Variants in SLC17A1 observed in about 807,000 individuals in gnomAD.
SLC17A1 encodes the protein sodium-dependent phosphate transport protein 1.
In SLC17A1, 51 loss-of-function variants were observed where a neutral mutation model predicts 53.5. The observed-to-expected ratio is 0.95, with a 90% CI of 0.76 to 1.20. The LOEUF is 1.20. SLC17A1 is among the 50% of genes most tolerant of loss of function. SLC17A1 has a pLI of 0.00. For synonymous variants in SLC17A1, 179 were observed against 198.8 expected (o/e 0.90, Z 0.84); for missense variants, 538 against 568.2 (o/e 0.95, Z 0.54).
At chr6:25,725,670 T>C in the SLC17A1 span, among the ~76,000 whole-genome samples, 2 of 152,122 alleles carry the variant, frequency 1.3e-5, no homozygotes, top group Non-Finnish European at 1.5e-5. Context: ...TCAATCTTCG[T>C]TCACTGTAAC....
intron 12 of SLC17A1, among the ~76,000 whole-genome samples, chr6:25,786,029 A>C (rs963874691): frequency 1.3e-5 from 2 of 152,236 alleles, no homozygotes; most frequent in Non-Finnish European, 2.9e-5. Flanking sequence ...ACACAAATGC[A>C]CATAGTGGTC....
At chr6:25,824,639 A>G (rs758483683) in intron 3 of SLC17A1, among the ~76,000 whole-genome samples, 14 of 151,886 alleles carry the variant, frequency 9.2e-5, no homozygotes, top group Non-Finnish European at 1.9e-4. Context: ...GATTTGTATT[A>G]TTACAAATGT....
intron 10 of SLC17A1, 68 bp downstream of exon 10, chr6:25,811,330 T>A: frequency 6.8e-7 from 1 of 1,469,908 alleles, no homozygotes; most frequent in Non-Finnish European, 9.2e-7. Context: ...ATCATCATGT[T>A]GTGCACAATA....
At chr6:25,808,484 A>C (rs1358751498) in intron 10 of SLC17A1, among the ~76,000 whole-genome samples, 1 of 152,022 alleles carries the variant, frequency 6.6e-6, no homozygotes, top group Non-Finnish European at 1.5e-5. Context: ...CTTGTATTCC[A>C]AAAGCTATTG....
chr6:25,826,691 T>C, intron 2 of SLC17A1, 58 bp from the exon 3 acceptor site: 1 of 1,330,804 alleles, frequency 7.5e-7, no homozygotes, highest in Non-Finnish European at 1.0e-6. Context: ...AAACATACTT[T>C]AACTATAGGA....
chr6:25,726,853 A>C, the SLC17A1 span: 1 of 1,550,190 alleles, frequency 6.5e-7, no homozygotes, highest in Admixed American at 2.0e-5. Context: ...AGCACTGGAA[A>C]GTGCTGTGTA....
chr6:25,777,773 C>G, the SLC17A1 span: 203 of 615,390 alleles, frequency 3.3e-4, 2 homozygotes, highest in Non-Finnish European at 5.2e-4. Flanking sequence ...TTACACAATT[C>G]CAGTCATCTC....
At chr6:25,811,203 G>A (rs980599839) in intron 10 of SLC17A1, among the ~76,000 whole-genome samples, 195 bp downstream of exon 10, 3 of 152,018 alleles carry the variant, frequency 2.0e-5, no homozygotes, top group Non-Finnish European at 2.9e-5. Flanking sequence ...TTATATTCTT[G>A]AAAATTCCTA....
intron 12 of SLC17A1, among the ~76,000 whole-genome samples, chr6:25,798,145 C>A (rs903537062): frequency 6.6e-6 from 1 of 152,136 alleles, no homozygotes; most frequent in African/African-American, 2.4e-5. Context: ...ACCTGGATCT[C>A]TTAATTTATT....
the SLC17A1 span, among the ~76,000 whole-genome samples, chr6:25,748,285 C>A: frequency 1.3e-5 from 2 of 152,084 alleles, no homozygotes; most frequent in African/African-American, 4.8e-5. Flanking sequence ...TATGAGCTCA[C>A]AATCTGAAAT....
chr6:25,782,601 T>A (rs968690728), downstream of SLC17A1, among the ~76,000 whole-genome samples: 7 of 152,170 alleles, frequency 4.6e-5, no homozygotes, highest in Non-Finnish European at 1.0e-4. Flanking sequence ...ATGTATTATC[T>A]TTTTTCATCT....
At chr6:25,751,215 T>C in the SLC17A1 span, among the ~76,000 whole-genome samples, 1 of 152,218 alleles carries the variant, frequency 6.6e-6, no homozygotes, top group East Asian at 1.9e-4. Flanking sequence ...GACGAGATAA[T>C]ATCATAAAAT....
At chr6:25,747,364 A>G in the SLC17A1 span, among the ~76,000 whole-genome samples, 1 of 152,236 alleles carries the variant, frequency 6.6e-6, no homozygotes, top group African/African-American at 2.4e-5. Flanking sequence ...AGCTAGGCTT[A>G]AATGCTGGTT....
the SLC17A1 span, among the ~76,000 whole-genome samples, chr6:25,735,176 T>G: frequency 6.6e-6 from 1 of 152,204 alleles, no homozygotes; most frequent in South Asian, 2.1e-4. Context: ...ACATTTTTGG[T>G]GAGTGTTGGC....
chr6:25,777,902 T>TA, the SLC17A1 span: 5 of 1,576,146 alleles, frequency 3.2e-6, no homozygotes, highest in African/African-American at 5.4e-5. Flanking sequence ...TTGGTTATAA[T>TA]AGAGTACCAT....
chr6:25,758,935 T>C, the SLC17A1 span, among the ~76,000 whole-genome samples: 1 of 152,214 alleles, frequency 6.6e-6, no homozygotes, highest in Non-Finnish European at 1.5e-5. Flanking sequence ...AGGCATTTAA[T>C]GGTATGAACT....
At chr6:25,761,510 G>T in the SLC17A1 span, among the ~76,000 whole-genome samples, 1 of 152,098 alleles carries the variant, frequency 6.6e-6, no homozygotes, top group South Asian at 2.1e-4. Context: ...AAGGGTGTTT[G>T]CTATATTTTA....
the SLC17A1 span, among the ~76,000 whole-genome samples, chr6:25,723,838 C>T: frequency 4.6e-5 from 7 of 152,186 alleles, no homozygotes; most frequent in African/African-American, 1.7e-4. Context: ...TTTATTATCA[C>T]GTGTAACTAT....
intron 3 of SLC17A1, among the ~76,000 whole-genome samples, chr6:25,823,983 G>A (rs75479767): frequency 0.016 from 2,426 of 151,974 alleles, 40 homozygotes; most frequent in Non-Finnish European, 0.021. Context: ...AACATTCAGA[G>A]GCAATTCAGT....
Sources: gnomAD v4.1 joint callset for allele counts (sites outside exome capture counted in the v4.1 genomes callset) on GRCh38, gnomAD v4.1.1 for gene constraint, MANE v1.5 for transcripts, NCBI Gene and HGNC (gene_info 2026-07-23, HGNC 2026-07-21) for gene names.